Variants in TAOK1 observed in about 807,000 individuals in gnomAD.
The protein encoded by TAOK1 is serine/threonine-protein kinase TAO1.
Under a neutral mutation model 138.3 loss-of-function variants are expected in TAOK1, and 21 were observed. The ratio of observed to expected loss-of-function variants is 0.15; its 90% CI spans 0.11 to 0.22. The LOEUF (loss-of-function observed/expected upper bound fraction) is 0.22, where lower values mean the gene tolerates loss of function less well. Ranked by LOEUF, TAOK1 falls within the 10% of genes least tolerant of loss-of-function variation. TAOK1 has a pLI of 1.00. For synonymous variants in TAOK1, 361 were observed against 398.4 expected (o/e 0.91, Z 1.12); for missense variants, 651 against 1,227.7 (o/e 0.53, Z 7.02).
intron 1 of TAOK1, among the ~76,000 whole-genome samples, chr17:29,444,435 C>T (rs2030026580): frequency 6.6e-6 from 1 of 152,180 alleles, no homozygotes; most frequent in South Asian, 2.1e-4. Context: ...AGCAGTTATG[C>T]ACTGGATGCT....
chr17:29,411,253 G>A (rs1028217727), intron 1 of TAOK1, among the ~76,000 whole-genome samples: 5 of 150,618 alleles, frequency 3.3e-5, no homozygotes, highest in Non-Finnish European at 5.9e-5. Flanking sequence ...CACTACGCCC[G>A]GCTAATTTTT....
chr17:29,529,239 C>G (rs1019205520), intron 17 of TAOK1, among the ~76,000 whole-genome samples: 1 of 152,116 alleles, frequency 6.6e-6, no homozygotes, highest in African/African-American at 2.4e-5. Flanking sequence ...TCCCAAAGTA[C>G]TGGGATTACA....
chr17:29,446,905 A>C (rs2030095066), intron 1 of TAOK1, among the ~76,000 whole-genome samples: 1 of 150,828 alleles, frequency 6.6e-6, no homozygotes. Context: ...TGTCCATCTA[A>C]TTTTTAGTAT....
chr17:29,531,632 G>A (rs1182930721), intron 18 of TAOK1, among the ~76,000 whole-genome samples: 1 of 151,754 alleles, frequency 6.6e-6, no homozygotes, highest in Non-Finnish European at 1.5e-5. Context: ...GCGTGGTGGT[G>A]GGCGCCCATA....
At chr17:29,410,345 G>A (rs1905105989) in intron 1 of TAOK1, among the ~76,000 whole-genome samples, 1 of 152,142 alleles carries the variant, frequency 6.6e-6, no homozygotes, top group Non-Finnish European at 1.5e-5. Flanking sequence ...CTGCCTCCCA[G>A]GTTCAAGCGA....
intron 1 of TAOK1, among the ~76,000 whole-genome samples, chr17:29,447,630 C>A (rs1200391778): frequency 2.6e-5 from 4 of 151,980 alleles, no homozygotes; most frequent in African/African-American, 9.7e-5. Context: ...CAAGCTACCT[C>A]ACCCGGCCTT....
rs371656906 is a variant in TAOK1 at position 29,502,541 on chromosome 17, A to G, written c.1204-48A>G. On this transcript the variant is annotated intron_variant, in intron 12 of 19. Transcript: ENST00000261716. Reference sequence around the variant, plus strand: ...AAACTTTAATTTCCATAAAGATTCAAACAAACTGTTCACCTTACATAATAT... The same window carrying G: ...AAACTTTAATTTCCATAAAGATTCAGACAAACTGTTCACCTTACATAATAT... The G allele has an allele frequency of 1.2e-5, 19 of 1,561,112 alleles. No homozygotes were observed. The African/African-American group carries it at 2.1e-4, about 17-fold the overall frequency.
At chr17:29,421,190 G>T (rs1237642699) in intron 1 of TAOK1, among the ~76,000 whole-genome samples, 1 of 148,126 alleles carries the variant, frequency 6.8e-6, no homozygotes, top group African/African-American at 2.5e-5. Context: ...TGGCCTCCCG[G>T]AGTGCTGGGA....
chr17:29,464,726 A>T (rs1598492034), intron 2 of TAOK1, among the ~76,000 whole-genome samples: 1 of 152,120 alleles, frequency 6.6e-6, no homozygotes, highest in African/African-American at 2.4e-5. Context: ...AGTGAATGGT[A>T]CAGGTTTCCA....
At chr17:29,505,941 A>C (rs2031622829) in intron 13 of TAOK1, among the ~76,000 whole-genome samples, 2 of 152,212 alleles carry the variant, frequency 1.3e-5, no homozygotes, top group African/African-American at 4.8e-5. Flanking sequence ...TTTGAAAAAG[A>C]ATTGAAAACG....
chr17:29,481,747 C>T (rs1598500003), intron 7 of TAOK1, among the ~76,000 whole-genome samples: 2 of 151,952 alleles, frequency 1.3e-5, no homozygotes, highest in East Asian at 3.9e-4. Flanking sequence ...ATCACCAGGT[C>T]AGGAGATCGA....
chr17:29,540,331 G>A (rs750409026), intron 19 of TAOK1, among the ~76,000 whole-genome samples: 1 of 150,270 alleles, frequency 6.7e-6, no homozygotes, highest in Non-Finnish European at 1.5e-5. Context: ...AGAGCAAACC[G>A]TTCAATACTT....
chr17:29,470,780 A>T (rs775139623), intron 3 of TAOK1, among the ~76,000 whole-genome samples: 1 of 152,200 alleles, frequency 6.6e-6, no homozygotes, highest in Non-Finnish European at 1.5e-5. Flanking sequence ...TAAAGCAAAT[A>T]TCATAATAAA....
At chr17:29,532,094 T>C (rs1157160111) in intron 18 of TAOK1, among the ~76,000 whole-genome samples, 1 of 152,130 alleles carries the variant, frequency 6.6e-6, no homozygotes. Context: ...CCTTGTGACC[T>C]TGTGATCCGC....
intron 1 of TAOK1, among the ~76,000 whole-genome samples, chr17:29,404,460 C>A (rs1469493158): frequency 2.6e-5 from 4 of 152,116 alleles, no homozygotes; most frequent in Non-Finnish European, 4.4e-5. Context: ...CCACACCTGG[C>A]CTGAAATATT....
chr17:29,532,761 G>A (rs1598526558), intron 18 of TAOK1, among the ~76,000 whole-genome samples: 1 of 151,900 alleles, frequency 6.6e-6, no homozygotes, highest in African/African-American at 2.4e-5. Flanking sequence ...ACACAGACAC[G>A]GCAACCATCC....
chr17:29,451,720 T>G, intron 2 of TAOK1, 40 bp downstream of exon 2: 2 of 1,597,252 alleles, frequency 1.3e-6, no homozygotes, highest in Non-Finnish European at 1.7e-6. Flanking sequence ...TAAAATTTAC[T>G]TAATGTCCAC....
chr17:29,542,416 G>A, intron 19 of TAOK1, 145 bp from the exon 20 acceptor site: 1 of 670,364 alleles, frequency 1.5e-6, no homozygotes. Context: ...TAAATTAAAG[G>A]GAAAAAGTTT....
At position 29,517,443 on chromosome 17, in the gene TAOK1, A is replaced by G; in HGVS notation, c.1705-10A>G. ...CCTATTTTTACCTGAGTTGTTTTTT[A>G]TGTTGCCAGGAGCTAAATGAAAACC... On this transcript the variant is annotated splice_polypyrimidine_tract_variant and intron_variant, in intron 15 of 19. Transcript: ENST00000261716. 1.2e-6 allele frequency: 2 copies of G among 1,611,418 alleles called. No individual in the cohort carries two copies. The highest frequency in any genetic ancestry group is 1.7e-6 in the Non-Finnish European group (2 of 1,179,392).
Sources: allele counts gnomAD v4.1 joint callset (sites outside exome capture counted in the v4.1 genomes callset), GRCh38; gene constraint gnomAD v4.1.1; transcripts MANE v1.5; gene names NCBI Gene and HGNC (gene_info 2026-07-23, HGNC 2026-07-21).